LIN9: variants seen among roughly 807,000 people sequenced by gnomAD.
LIN9 encodes the protein lin-9 DREAM MuvB core complex component, also known as protein lin-9 homolog.
LIN9 carries 18 observed loss-of-function variants against 78.0 expected under a neutral mutation model. The ratio of observed to expected loss-of-function variants is 0.23; its 90% CI spans 0.16 to 0.34. LIN9 has a LOEUF of 0.34. Ranked by LOEUF, LIN9 falls within the 10% of genes least tolerant of loss-of-function variation. LIN9 has a pLI of 1.00. For synonymous variants in LIN9, 192 were observed against 215.2 expected (o/e 0.89, Z 0.94); for missense variants, 451 against 644.1 (o/e 0.70, Z 3.25).
At chr1:226,260,770 G>C (rs866301201) in intron 10 of LIN9, among the ~76,000 whole-genome samples, 7 of 149,288 alleles carry the variant, frequency 4.7e-5, no homozygotes, top group African/African-American at 1.7e-4. Flanking sequence ...TCAGCCTCCC[G>C]AGTAACTGGG....
At position 226,295,878 on chromosome 1, in the gene LIN9, T is replaced by C; in HGVS notation, c.228A>G (p.Ser76=). The change falls in exon 4 of 15, where the codon TCA becomes TCG. Residue 76 remains serine (S), a synonymous_variant. Coordinates refer to ENST00000681046, the MANE Select transcript of LIN9 (RefSeq NM_001366245.2). ...TTGCAACCCTCTGGTTTCTTTTAGGTGACCTTGTATTTATTTGCCTATCAT... is the reference window on the plus strand; with the variant it reads ...TTGCAACCCTCTGGTTTCTTTTAGGCGACCTTGTATTTATTTGCCTATCAT... ...DEDDRQINTR[S]PKRNQRVAMV... 2 of 1,613,338 alleles carry C rather than the reference T, an allele frequency of 1.2e-6. No individual in the cohort carries two copies. Among genetic ancestry groups the C allele is most frequent in the Non-Finnish European group, 1.7e-6 (2 of 1,179,806 alleles).
intron 12 of LIN9, among the ~76,000 whole-genome samples, chr1:226,234,986 G>C (rs1657594054): frequency 6.7e-6 from 1 of 148,412 alleles, no homozygotes; most frequent in Non-Finnish European, 1.5e-5. Flanking sequence ...CTGCCTCCCA[G>C]GTTCAATATA....
chr1:226,231,798 G>A lies in LIN9; in HGVS notation c.*703C>T, dbSNP rs1174575892. On this transcript the variant is annotated 3_prime_UTR_variant, in exon 15 of 15. Coordinates refer to ENST00000681046, the MANE Select transcript of LIN9 (RefSeq NM_001366245.2). ...GGAAGACATGCCAAATCCATTTTTA[G>A]AAATTTAGCATTTTGCACCTTTTTT... 5.3e-6 allele frequency: 1 copy of A among 190,052 alleles called. No homozygotes were observed. The highest frequency in any genetic ancestry group is 1.1e-5 in the Non-Finnish European group (1 of 94,250). 11.8% of individuals were successfully genotyped at this position (190,052 alleles called of 1,614,324 possible). A position where few individuals can be genotyped will look rare whatever the true frequency, so the allele number is the denominator to read the frequency against.
chr1:226,309,177 C>T, upstream of LIN9: 2 of 1,414,974 alleles, frequency 1.4e-6, no homozygotes, highest in Non-Finnish European at 1.9e-6. Flanking sequence ...AGGCTGCCCG[C>T]CGCGGTGCAT....
At chr1:226,292,625 TA>T (rs1177456436) in intron 4 of LIN9, among the ~76,000 whole-genome samples, 1 of 151,760 alleles carries the variant, frequency 6.6e-6, no homozygotes, top group Non-Finnish European at 1.5e-5. Context: ...GGCTAATTTT[TA>T]AAAAAAATTT....
chr1:226,277,501 C>T (rs572168624), intron 7 of LIN9, among the ~76,000 whole-genome samples: 2 of 152,232 alleles, frequency 1.3e-5, no homozygotes, highest in Non-Finnish European at 2.9e-5. Context: ...AATTTTGTCC[C>T]ATGTGTACGT....
chr1:226,232,827 G>GTCTC (rs1243293460), intron 14 of LIN9: 3 of 501,322 alleles, frequency 6.0e-6, no homozygotes, highest in African/African-American at 6.0e-5. Flanking sequence ...GAGAAGATGA[G>GTCTC]TCTCTCACTG....
At chr1:226,266,815 T>C (rs1659946666) in intron 8 of LIN9, among the ~76,000 whole-genome samples, 1 of 151,974 alleles carries the variant, frequency 6.6e-6, no homozygotes, top group South Asian at 2.1e-4. Flanking sequence ...GTTTTACTCT[T>C]GTTGACCAAA....
intron 12 of LIN9, among the ~76,000 whole-genome samples, chr1:226,233,986 C>T (rs1657523336): frequency 6.6e-6 from 1 of 152,114 alleles, no homozygotes; most frequent in African/African-American, 2.4e-5. Context: ...TGTTTGTTTC[C>T]TTATGATTAG....
At chr1:226,263,788 T>C (rs774748605) in intron 10 of LIN9, among the ~76,000 whole-genome samples, 1 of 152,180 alleles carries the variant, frequency 6.6e-6, no homozygotes, top group Non-Finnish European at 1.5e-5. Flanking sequence ...CAATATATCA[T>C]TGGCTGGGCA....
At chr1:226,242,407 GCT>G (rs1199193563) in intron 11 of LIN9, among the ~76,000 whole-genome samples, 1 of 152,150 alleles carries the variant, frequency 6.6e-6, no homozygotes. Context: ...GAGGAAAAAA[GCT>G]CTCTGTACTC....
At chr1:226,255,986 A>G (rs1356750870) in intron 10 of LIN9, among the ~76,000 whole-genome samples, 1 of 152,080 alleles carries the variant, frequency 6.6e-6, no homozygotes, top group Non-Finnish European at 1.5e-5. Context: ...TCAAATACCA[A>G]AGCAAAGATC....
chr1:226,258,620 G>C (rs778607507), intron 10 of LIN9, among the ~76,000 whole-genome samples: 2 of 151,734 alleles, frequency 1.3e-5, no homozygotes, highest in Non-Finnish European at 2.9e-5. Flanking sequence ...GCTGGGTGTG[G>C]TGGCTCACAC....
At chr1:226,282,011 T>C (rs1302715069) in intron 6 of LIN9, among the ~76,000 whole-genome samples, 1 of 152,160 alleles carries the variant, frequency 6.6e-6, no homozygotes, top group African/African-American at 2.4e-5. Flanking sequence ...TTCTTACAGA[T>C]CCTTTGTTGA....
chr1:226,242,500 A>C (rs556365292), intron 11 of LIN9, among the ~76,000 whole-genome samples: 1 of 152,312 alleles, frequency 6.6e-6, no homozygotes, highest in South Asian at 2.1e-4. Flanking sequence ...AAGACAGGAG[A>C]ATATGTTTAT....
intron 11 of LIN9, among the ~76,000 whole-genome samples, chr1:226,240,389 T>G (rs1335728024): frequency 6.8e-6 from 1 of 147,202 alleles, no homozygotes; most frequent in Non-Finnish European, 1.5e-5. Context: ...GTTCTAAGTT[T>G]TTTTTTTTTT....
At chr1:226,266,128 G>T in intron 9 of LIN9, 85 bp downstream of exon 9, 1 of 815,104 alleles carries the variant, frequency 1.2e-6, no homozygotes, top group Non-Finnish European at 1.7e-6. Context: ...CTTTGAAGTT[G>T]CTGTAATAGA....
At chr1:226,289,234 C>CA (rs147898964) in intron 4 of LIN9, among the ~76,000 whole-genome samples, 195 of 146,146 alleles carry the variant, frequency 1.3e-3, no homozygotes, top group African/African-American at 4.6e-3. Flanking sequence ...GACTCCATGT[C>CA]AAAAAAAAAG....
intron 1 of LIN9, among the ~76,000 whole-genome samples, chr1:226,305,315 G>GAAAAAAAAAAAAAAA (rs111859953): frequency 3.9e-5 from 3 of 77,476 alleles, no homozygotes; most frequent in African/African-American, 9.8e-5. Context: ...ACAAAAAAAA[G>GAAAAAAAAAAAAAAA]AAAAAAAAAA....
Sources: allele counts gnomAD v4.1 joint callset (sites outside exome capture counted in the v4.1 genomes callset), GRCh38; gene constraint gnomAD v4.1.1; transcripts MANE v1.5; gene names NCBI Gene and HGNC (gene_info 2026-07-23, HGNC 2026-07-21).